Variants in TANGO6 observed in about 807,000 individuals in gnomAD.
TANGO6 encodes transport and golgi organization 6 homolog.
A neutral mutation model predicts 114.2 loss-of-function variants in TANGO6; 90 were observed. The ratio of observed to expected loss-of-function variants is 0.79; its 90% CI spans 0.66 to 0.94. The LOEUF (loss-of-function observed/expected upper bound fraction) is 0.94, where lower values mean the gene tolerates loss of function less well. Ranked by LOEUF, TANGO6 falls within the 40% of genes least tolerant of loss-of-function variation. The probability of loss-of-function intolerance (pLI) is 0.00; values close to 1 mark genes in which losing one functional copy is unlikely to be tolerated. For synonymous variants in TANGO6, 477 were observed against 509.8 expected, an observed-to-expected ratio of 0.94 and a Z score of 0.87; for missense variants, 1,274 against 1,315.3, an observed-to-expected ratio of 0.97 and a Z score of 0.49.
chr16:68,884,444 TA>T (rs1252999439), intron 7 of TANGO6, among the ~76,000 whole-genome samples: 1 of 152,208 alleles, frequency 6.6e-6, no homozygotes, highest in Non-Finnish European at 1.5e-5. Flanking sequence ...TGAATATTAG[TA>T]GACTTTTCAG....
At chr16:68,956,046 G>T (rs1963527006) in intron 14 of TANGO6, among the ~76,000 whole-genome samples, 1 of 152,184 alleles carries the variant, frequency 6.6e-6, no homozygotes, top group African/African-American at 2.4e-5. Context: ...AGCTACTCGG[G>T]AGGGTGAGGC....
intron 17 of TANGO6, among the ~76,000 whole-genome samples, chr16:69,077,442 G>C (rs562307835): frequency 3.9e-5 from 6 of 152,056 alleles, no homozygotes; most frequent in Admixed American, 6.6e-5. Flanking sequence ...GGAGTGGCAC[G>C]CATGAATGCC....
Position 68,948,822 on chromosome 16 carries a change from A to G in TANGO6, c.2701+18527A>G, listed in dbSNP as rs865825446. ...ACACTGCCCACCCTTCTTCCTGCAG[A>G]CAATCATTAGTGTTTCAGCATTGAA... On this transcript the variant is annotated intron_variant, in intron 14 of 17. Coordinates refer to ENST00000261778, the MANE Select transcript of TANGO6 (RefSeq NM_024562.2). 8.5e-5 allele frequency among the ~76,000 whole-genome samples: 13 copies of G among 152,344 alleles called. No homozygotes were observed. In the South Asian group the frequency reaches 2.5e-3, roughly 29 times the overall value.
At chr16:68,845,587 T>TA (rs1330163713) in intron 1 of TANGO6, among the ~76,000 whole-genome samples, 3 of 152,132 alleles carry the variant, frequency 2.0e-5, no homozygotes, top group African/African-American at 7.2e-5. Flanking sequence ...AGGTGGGCCA[T>TA]ACCTGTAATC....
intron 14 of TANGO6, among the ~76,000 whole-genome samples, chr16:68,948,784 C>T (rs916647699): frequency 4.6e-5 from 7 of 152,292 alleles, no homozygotes; most frequent in Admixed American, 3.9e-4. Flanking sequence ...ACTGTGAGTA[C>T]GTATTACCTC....
chr16:69,051,916 T>A (rs1043862175), intron 17 of TANGO6, among the ~76,000 whole-genome samples: 1 of 151,498 alleles, frequency 6.6e-6, no homozygotes, highest in Admixed American at 6.6e-5. Flanking sequence ...ATTTCTTGAT[T>A]TTCCTTTTTT....
intron 17 of TANGO6, among the ~76,000 whole-genome samples, chr16:69,067,130 C>T (rs1052912308): frequency 6.6e-6 from 1 of 152,104 alleles, no homozygotes; most frequent in Non-Finnish European, 1.5e-5. Context: ...CTCCTGGGCT[C>T]AAGCAATCCT....
chr16:68,875,278 C>T lies in TANGO6; in HGVS notation c.1119C>T (p.Asp373=). 1.2e-6 allele frequency: 2 copies of T among 1,612,818 alleles called. No homozygotes were observed. Among genetic ancestry groups the T allele is most frequent in the Admixed American group, 3.3e-5 (2 of 59,972 alleles). Residue 373 remains aspartate (D), a synonymous_variant, in exon 5 of 18, where the codon GAC becomes GAT. Coordinates refer to ENST00000261778, the MANE Select transcript of TANGO6 (RefSeq NM_024562.2). ...QSLSPENYYR[D]ICPQVLDLFH... ...TTTCACCAGAGAATTACTACAGGGA[C>T]ATCTGCCCCCAGGTAAATCTTTTTG... is the stretch of plus-strand genomic sequence containing the variant.
chr16:68,864,209 T>C lies in TANGO6; in HGVS notation c.852+1148T>C, dbSNP rs151181087. Among the ~76,000 whole-genome samples, 30 of 151,640 alleles carry C rather than the reference T, an allele frequency of 2.0e-4. 1 individual carries two copies. In the East Asian group the frequency reaches 5.9e-3, roughly 30 times the overall value. ...AAAAGTTTATCTGAAATGATTTAAT[T>C]TGATGATATAGATGGAATTGTCTGT... On this transcript the variant is annotated intron_variant, in intron 3 of 17. Transcript: ENST00000261778.
rs775272863 is a variant in TANGO6 at position 68,909,233 on chromosome 16, A to G, written c.1823A>G (p.Glu608Gly). Residue 608 changes from glutamate (E) to glycine (G), a missense_variant, in exon 11 of 18, where the codon GAA (glutamate) becomes GGA (glycine). Glu to Gly is a moderately conservative substitution (Grantham distance 98). Coordinates refer to ENST00000261778, the MANE Select transcript of TANGO6 (RefSeq NM_024562.2). ...TAGGAGTTGACTCATGTGGCCTCGG[A>G]AAATGAAACAGAGTTAAAAACTGAG... ...CLKELTHVAS[E>G]NETELKTEPF... 4 of 1,587,954 alleles carry G rather than the reference A, an allele frequency of 2.5e-6. No individual in the cohort carries two copies. The highest frequency in any genetic ancestry group is 3.4e-6 in the Non-Finnish European group (4 of 1,165,090).
At chr16:68,895,500 T>C (rs1051658938) in intron 7 of TANGO6, among the ~76,000 whole-genome samples, 70 of 152,362 alleles carry the variant, frequency 4.6e-4, no homozygotes, top group African/African-American at 1.4e-3. Flanking sequence ...GGAGCTTGAC[T>C]TTTGCCTTCC....
intron 16 of TANGO6, among the ~76,000 whole-genome samples, chr16:69,029,518 G>A (rs1242015872): frequency 6.6e-6 from 1 of 151,980 alleles, no homozygotes; most frequent in Non-Finnish European, 1.5e-5. Context: ...CCATTCTAGA[G>A]AGAGTAGACA....
chr16:68,937,976 C>T (rs886386323), intron 14 of TANGO6, among the ~76,000 whole-genome samples: 2 of 152,152 alleles, frequency 1.3e-5, no homozygotes, highest in Admixed American at 6.5e-5. Flanking sequence ...ATTGCTGGAT[C>T]GTATAGTAAG....
intron 15 of TANGO6, among the ~76,000 whole-genome samples, chr16:69,005,614 G>A (rs1597055018): frequency 6.6e-6 from 1 of 151,982 alleles, no homozygotes; most frequent in Non-Finnish European, 1.5e-5. Context: ...CCTGGCCAAC[G>A]TGGTGAAACC....
chr16:68,915,236 G>A (rs78632783), intron 11 of TANGO6, among the ~76,000 whole-genome samples: 4,663 of 151,086 alleles, frequency 0.031, 105 homozygotes, highest in Non-Finnish European at 0.045. Flanking sequence ...AATAGTCCTA[G>A]TTGAGTAATT....
At chr16:68,953,082 T>TATC (rs1340612899) in intron 14 of TANGO6, among the ~76,000 whole-genome samples, 2 of 148,334 alleles carry the variant, frequency 1.3e-5, no homozygotes, top group African/African-American at 4.9e-5. Context: ...TTATTATTAT[T>TATC]ATTATTATTT....
intron 16 of TANGO6, among the ~76,000 whole-genome samples, chr16:69,037,699 G>T (rs1296721802): frequency 6.6e-6 from 1 of 152,180 alleles, no homozygotes; most frequent in Non-Finnish European, 1.5e-5. Context: ...TTAGGGTGGG[G>T]GGTCCCAGGT....
chr16:69,050,358 T>C (rs139268675), intron 17 of TANGO6, among the ~76,000 whole-genome samples: 7 of 152,258 alleles, frequency 4.6e-5, no homozygotes, highest in African/African-American at 1.7e-4. Flanking sequence ...TTTTTGTTTT[T>C]TCTGAAACGG....
intron 12 of TANGO6, among the ~76,000 whole-genome samples, chr16:68,920,975 T>C (rs1238690704): frequency 1.3e-5 from 2 of 151,068 alleles, no homozygotes; most frequent in South Asian, 2.1e-4. Context: ...AGGTGGCGGG[T>C]GCCTGTAGTC....
Sources: allele counts gnomAD v4.1 joint callset (sites outside exome capture counted in the v4.1 genomes callset), GRCh38; gene constraint gnomAD v4.1.1; transcripts MANE v1.5; gene names NCBI Gene and HGNC (gene_info 2026-07-23, HGNC 2026-07-21).